The following TRAF1 variants were observed in gnomAD, a reference collection of about 807,000 sequenced individuals.
TRAF1 encodes TNF receptor-associated factor 1.
A neutral mutation model predicts 40.9 loss-of-function variants in TRAF1; 23 were observed. That is an observed-to-expected ratio of 0.56 (90% CI 0.40 to 0.80). The LOEUF is 0.80. Ranked by LOEUF, TRAF1 falls within the 30% of genes least tolerant of loss-of-function variation. TRAF1 has a pLI of 0.00. For missense variants in TRAF1, 477 were observed against 528.7 expected (o/e 0.90, Z 0.96); for synonymous variants, 206 against 218.8 (o/e 0.94, Z 0.52).
chr9:120,904,765 C>T lies in TRAF1; in HGVS notation c.*255G>A, dbSNP rs1226273110. On this transcript the variant is annotated 3_prime_UTR_variant, in exon 8 of 8. Coordinates refer to ENST00000373887, the MANE Select transcript of TRAF1 (RefSeq NM_005658.5). ...GGGGCCGGAGTGGCTCACTGGCCTC[C>T]CAGTGTCGCATGGTCCGTGCAGAGG... 1 of 512,238 alleles carries T rather than the reference C, an allele frequency of 2.0e-6. No homozygotes were observed. The highest frequency in any genetic ancestry group is 3.5e-6 in the Non-Finnish European group (1 of 285,186). The allele number at this position is 512,238 out of a possible 1,614,324, so 31.7% of individuals were successfully genotyped here.
At chr9:120,917,658 C>T (rs2046577818) in intron 3 of TRAF1, among the ~76,000 whole-genome samples, 1 of 152,172 alleles carries the variant, frequency 6.6e-6, no homozygotes, top group South Asian at 2.1e-4. Context: ...GGCTTCCTCC[C>T]TTCCCCAGCT....
chr9:120,905,090 T>C lies in TRAF1; in HGVS notation c.1181A>G (p.Gln394Arg). The C allele has an allele frequency of 1.2e-6, 2 of 1,614,264 alleles. No homozygotes were observed. The highest frequency in any genetic ancestry group is 8.5e-7 in the Non-Finnish European group (1 of 1,180,034). ...CTTCACGTAGGCGTGCTTGGGTGACTGCAGTTTGCTGAGGGGGAAGAAGAG... is the reference window on the plus strand; with the variant it reads ...CTTCACGTAGGCGTGCTTGGGTGACCGCAGTTTGCTGAGGGGGAAGAAGAG... ...CPLFFPLSKL[Q>R]SPKHAYVKDD... The change falls in exon 8 of 8, where the codon CAG (glutamine) becomes CGG (arginine). Residue 394 changes from glutamine (Q) to arginine (R), a missense_variant. By Grantham distance (43) the Gln-to-Arg change is conservative. Transcript: ENST00000373887.
At chr9:120,916,378 A>C (rs1222049225) in intron 3 of TRAF1, among the ~76,000 whole-genome samples, 1 of 152,128 alleles carries the variant, frequency 6.6e-6, no homozygotes, top group Non-Finnish European at 1.5e-5. Flanking sequence ...AGTGGCGGTT[A>C]CATGATTATT....
chr9:120,918,248 T>C (rs2046581954), intron 3 of TRAF1, among the ~76,000 whole-genome samples: 1 of 152,168 alleles, frequency 6.6e-6, no homozygotes, highest in South Asian at 2.1e-4. Flanking sequence ...TCACAGGTCC[T>C]GGGGATTCAC....
At chr9:120,905,516 G>A (rs72758155) in intron 7 of TRAF1, among the ~76,000 whole-genome samples, 4,338 of 152,346 alleles carry the variant, frequency 0.028, 98 homozygotes, top group Non-Finnish European at 0.036. Flanking sequence ...AGCAGGGGAA[G>A]GTTCTGATGC....
Position 120,911,347 on chromosome 9 carries a change from A to G in TRAF1, c.872T>C (p.Leu291Pro). 6.2e-7 allele frequency: 1 copy of G among 1,613,116 alleles called. No homozygotes were observed. The highest frequency in any genetic ancestry group is 8.5e-7 in the Non-Finnish European group (1 of 1,179,796). Residue 291 changes from leucine (L) to proline (P), a missense_variant, in exon 6 of 8, where the codon CTC (leucine) becomes CCC (proline). By Grantham distance (98) the Leu-to-Pro change is moderately conservative. Coordinates refer to ENST00000373887, the MANE Select transcript of TRAF1 (RefSeq NM_005658.5). ...CTGGGAGGTGTTACCTGGGGAGAAG[A>G]GGCTGACGGTCCTGCCACAGGCCGA... ...HESACGRTVS[L>P]FSPAFYTAKY...
intron 6 of TRAF1, among the ~76,000 whole-genome samples, 187 bp downstream of exon 6, chr9:120,911,149 G>A (rs1441791656): frequency 6.6e-6 from 1 of 152,266 alleles, no homozygotes; most frequent in African/African-American, 2.4e-5. Context: ...ACAGGGCAGA[G>A]CACGGTTCAC....
chr9:120,909,950 C>A (rs1165549272), intron 6 of TRAF1, among the ~76,000 whole-genome samples: 3 of 152,160 alleles, frequency 2.0e-5, no homozygotes, highest in African/African-American at 7.2e-5. Context: ...CTGGGGTCCC[C>A]TGGAGGCTGG....
intron 3 of TRAF1, among the ~76,000 whole-genome samples, chr9:120,917,620 G>A (rs1454212171): frequency 5.3e-5 from 8 of 152,146 alleles, no homozygotes; most frequent in Non-Finnish European, 7.4e-5. Context: ...GCAGGACTGC[G>A]TTGCTCCTGG....
Position 120,904,050 on chromosome 9 carries a change from T to C in TRAF1, c.*970A>G, listed in dbSNP as rs2046460220. 1 of 152,270 alleles carries C rather than the reference T, an allele frequency of 6.6e-6. No homozygotes were observed. The highest frequency in any genetic ancestry group is 2.1e-4 in the South Asian group (1 of 4,838). The allele number at this position is 152,270 out of a possible 1,614,324, so 9.4% of individuals were successfully genotyped here. ...TGATCAGTCTGCTGAAAGAAGTGGA[T>C]GCCTCAGTTAATCAGGTGTTACGGG... is the stretch of plus-strand genomic sequence containing the variant. On this transcript the variant is annotated 3_prime_UTR_variant, in exon 8 of 8. Coordinates refer to ENST00000373887, the MANE Select transcript of TRAF1 (RefSeq NM_005658.5).
chr9:120,904,023 C>T lies in TRAF1; in HGVS notation c.*997G>A, dbSNP rs895682309. ...ATACATTGCTCAGTGGCTTGGAGGTCCTGATCAGTCTGCTGAAAGAAGTGG... is the reference window on the plus strand; with the variant it reads ...ATACATTGCTCAGTGGCTTGGAGGTTCTGATCAGTCTGCTGAAAGAAGTGG... On this transcript the variant is annotated 3_prime_UTR_variant, in exon 8 of 8. Coordinates refer to ENST00000373887, the MANE Select transcript of TRAF1 (RefSeq NM_005658.5). 5.3e-5 allele frequency: 8 copies of T among 152,218 alleles called. No individual in the cohort carries two copies. Among genetic ancestry groups the T allele is most frequent in the African/African-American group, 1.7e-4 (7 of 41,436 alleles). The allele number at this position is 152,218 out of a possible 1,614,324, so 9.4% of individuals were successfully genotyped here. A position where few individuals can be genotyped will look rare whatever the true frequency, so the allele number is the denominator to read the frequency against.
chr9:120,908,748 C>T (rs145708160), intron 7 of TRAF1, among the ~76,000 whole-genome samples: 37 of 152,122 alleles, frequency 2.4e-4, no homozygotes, highest in Non-Finnish European at 4.0e-4. Flanking sequence ...TTAGTAGAGA[C>T]GGGGTCTCAC....
intron 7 of TRAF1, 71 bp downstream of exon 7, chr9:120,909,159 A>G (rs559115469): frequency 1.9e-6 from 3 of 1,556,944 alleles, no homozygotes; most frequent in South Asian, 2.4e-5. Flanking sequence ...TGGCCAATTC[A>G]TTGCCAAACC....
intron 5 of TRAF1, among the ~76,000 whole-genome samples, chr9:120,911,853 C>T (rs1240979920): frequency 6.6e-6 from 1 of 152,170 alleles, no homozygotes; most frequent in East Asian, 1.9e-4. Context: ...AAGCTGGGCC[C>T]ATGCTCATTG....
chr9:120,921,866 T>C (rs2046607914), intron 3 of TRAF1, among the ~76,000 whole-genome samples: 1 of 152,192 alleles, frequency 6.6e-6, no homozygotes, highest in South Asian at 2.1e-4. Context: ...GACACTCGCC[T>C]GCCTCTGGTC....
In TRAF1 at chr9:120,926,048, G is replaced by A. The variant is rs745662240; in HGVS notation, c.28C>T (p.Arg10Cys). MASSSGSSP[R>C]PAPDENEFPF... ...AACTCATTCTCATCAGGGGCCGGGC[G>A]AGGACTGCTGCCTGAGCTGGAGGCC... Residue 10 changes from arginine (R) to cysteine (C), a missense_variant, in exon 2 of 8, where the codon CGC becomes TGC. Arg to Cys is a radical substitution (Grantham distance 180). Coordinates refer to ENST00000373887, the MANE Select transcript of TRAF1 (RefSeq NM_005658.5). 70 of 1,604,898 alleles carry A rather than the reference G, an allele frequency of 4.4e-5. No homozygotes were observed. Among genetic ancestry groups the A allele is most frequent in the Non-Finnish European group, 5.6e-5 (66 of 1,175,454 alleles).
chr9:120,925,214 A>C (rs774279078), intron 2 of TRAF1, among the ~76,000 whole-genome samples: 5 of 152,250 alleles, frequency 3.3e-5, no homozygotes, highest in Non-Finnish European at 7.3e-5. Flanking sequence ...AAACTGACCA[A>C]AGCTGACCTA....
intron 3 of TRAF1, among the ~76,000 whole-genome samples, chr9:120,916,378 A>G (rs1222049225): frequency 1.3e-5 from 2 of 152,128 alleles, no homozygotes; most frequent in East Asian, 3.8e-4. Context: ...AGTGGCGGTT[A>G]CATGATTATT....
At position 120,923,683 on chromosome 9, in the gene TRAF1, T is replaced by C. The variant is rs776683154; in HGVS notation, c.228+22A>G. ...AAAATCAAGACAACGGACAAATGCC[T>C]TTCTGTGATGTGCCAACGTACCTTC... On this transcript the variant is annotated intron_variant, in intron 3 of 7. Coordinates refer to ENST00000373887, the MANE Select transcript of TRAF1 (RefSeq NM_005658.5). 9 of 1,613,322 alleles carry C rather than the reference T, an allele frequency of 5.6e-6. No individual in the cohort carries two copies. In the South Asian group the frequency reaches 9.9e-5, roughly 18 times the overall value.
Sources: gnomAD v4.1 joint callset for allele counts (sites outside exome capture counted in the v4.1 genomes callset) on GRCh38, gnomAD v4.1.1 for gene constraint, MANE v1.5 for transcripts, NCBI Gene and HGNC (gene_info 2026-07-23, HGNC 2026-07-21) for gene names.